UBR3: variants seen among roughly 807,000 people sequenced by gnomAD.
UBR3 encodes E3 ubiquitin-protein ligase UBR3.
A neutral mutation model predicts 243.2 loss-of-function variants in UBR3; 85 were observed. That is an observed-to-expected ratio of 0.35 (90% CI 0.29 to 0.42). UBR3 has a LOEUF of 0.42. UBR3 is among the 10% of genes least tolerant of loss of function. UBR3 has a pLI of 1.00. For synonymous variants in UBR3, 748 were observed against 799.8 expected (o/e 0.94, Z 1.09); for missense variants, 1,686 against 2,300.8 (o/e 0.73, Z 5.47).
chr2:170,056,660 G>A (rs950321472), intron 33 of UBR3, among the ~76,000 whole-genome samples: 4 of 152,046 alleles, frequency 2.6e-5, no homozygotes, highest in African/African-American at 9.7e-5. Context: ...AACTTTTTTT[G>A]TTGAAATTAT....
chr2:170,055,195 C>T (rs780031295), intron 32 of UBR3, among the ~76,000 whole-genome samples: 4 of 151,988 alleles, frequency 2.6e-5, no homozygotes, highest in Admixed American at 1.3e-4. Flanking sequence ...TACTGTTGGG[C>T]GGGGCAGATT....
At chr2:169,960,372 TCTGAAATCTGAAAAAAA>T (rs572719330) in intron 24 of UBR3, among the ~76,000 whole-genome samples, 10 of 151,672 alleles carry the variant, frequency 6.6e-5, no homozygotes, top group South Asian at 2.1e-4. Context: ...ATGTAAATAT[TCTGAAATCTGAAAAAAA>T]CTGAAATCTG....
At chr2:169,999,075 C>G (rs2089599794) in intron 26 of UBR3, among the ~76,000 whole-genome samples, 3 of 152,158 alleles carry the variant, frequency 2.0e-5, no homozygotes, top group Admixed American at 2.0e-4. Flanking sequence ...ACTCAAATGT[C>G]TAAAAGTTGT....
chr2:169,938,030 T>G (rs1411597452), intron 19 of UBR3, among the ~76,000 whole-genome samples: 1 of 152,082 alleles, frequency 6.6e-6, no homozygotes, highest in East Asian at 1.9e-4. Flanking sequence ...TACTTGCTAT[T>G]TGATCCTCCC....
intron 25 of UBR3, among the ~76,000 whole-genome samples, chr2:169,993,786 T>C (rs2089381946): frequency 6.6e-6 from 1 of 152,214 alleles, no homozygotes; most frequent in African/African-American, 2.4e-5. Flanking sequence ...GAACGTATTG[T>C]ATTATCTATT....
At chr2:169,840,493 G>T (rs2082256247) in intron 1 of UBR3, among the ~76,000 whole-genome samples, 1 of 152,180 alleles carries the variant, frequency 6.6e-6, no homozygotes, top group East Asian at 1.9e-4. Flanking sequence ...TTGGAATCAG[G>T]TACCCGTGGT....
chr2:169,884,693 G>A (rs1415989883), intron 5 of UBR3, among the ~76,000 whole-genome samples: 3 of 152,104 alleles, frequency 2.0e-5, no homozygotes, highest in Non-Finnish European at 4.4e-5. Context: ...TAAAAATTCT[G>A]TTGGTGGCTA....
chr2:169,835,515 A>G (rs2082055398), intron 1 of UBR3, among the ~76,000 whole-genome samples: 4 of 152,190 alleles, frequency 2.6e-5, no homozygotes, highest in Non-Finnish European at 1.5e-5. Flanking sequence ...ATCTCGGCTC[A>G]CTGCAACCTC....
intron 19 of UBR3, among the ~76,000 whole-genome samples, chr2:169,938,220 A>G (rs904575399): frequency 1.3e-5 from 2 of 150,292 alleles, no homozygotes; most frequent in African/African-American, 4.9e-5. Context: ...ACCTCTTCAT[A>G]TATTCTGAAT....
In UBR3 at chr2:170,001,380, T is replaced by C. The variant is rs576024718; in HGVS notation, c.3995T>C (p.Ile1332Thr). ...YVQTCGHTLH[I>T]DCHKSYMESL... ...CAAACCTGTGGTCACACATTACATA[T>C]AGATTGTCATAAATCTTACATGGAA... is the stretch of plus-strand genomic sequence containing the variant. The change falls in exon 27 of 39, where the codon ATA (isoleucine) becomes ACA (threonine). Residue 1332 changes from isoleucine to threonine, a missense_variant. Physicochemically the swap from Ile to Thr is moderately conservative, Grantham distance 89. Coordinates refer to ENST00000272793, the MANE Select transcript of UBR3 (RefSeq NM_172070.4). 1.2e-6 allele frequency: 2 copies of C among 1,613,706 alleles called. No homozygotes were observed. Among genetic ancestry groups the C allele is most frequent in the East Asian group, 2.2e-5 (1 of 44,832 alleles).
chr2:170,031,205 G>A (rs777529139), intron 31 of UBR3, among the ~76,000 whole-genome samples: 3 of 152,096 alleles, frequency 2.0e-5, no homozygotes, highest in South Asian at 2.1e-4. Context: ...AGCCTCTCCC[G>A]TGTTGCTAGG....
intron 1 of UBR3, among the ~76,000 whole-genome samples, chr2:169,871,567 G>A (rs906700088): frequency 1.3e-5 from 2 of 151,796 alleles, no homozygotes; most frequent in Non-Finnish European, 1.5e-5. Context: ...AACCAACATG[G>A]TGAAACCTCG....
chr2:170,061,538 G>C, intron 35 of UBR3, 95 bp downstream of exon 35: 1 of 1,476,010 alleles, frequency 6.8e-7, no homozygotes, highest in Non-Finnish European at 9.2e-7. Context: ...CACAATCTCG[G>C]CTTACTGCAA....
At chr2:169,968,665 C>G (rs2087938996) in intron 24 of UBR3, among the ~76,000 whole-genome samples, 1 of 152,156 alleles carries the variant, frequency 6.6e-6, no homozygotes, top group Admixed American at 6.5e-5. Context: ...ACGCAGCTGG[C>G]TCTTCAATAT....
chr2:170,009,942 A>G (rs2090035514), intron 29 of UBR3, among the ~76,000 whole-genome samples: 1 of 152,152 alleles, frequency 6.6e-6, no homozygotes, highest in Admixed American at 6.5e-5. Flanking sequence ...TAAATGAACT[A>G]TACATAGCCT....
rs372311594 is a variant in UBR3, at chr2:170,015,268, G to A, written c.4368-13G>A. 2.4e-5 allele frequency: 38 copies of A among 1,604,070 alleles called. No individual in the cohort carries two copies. The highest frequency in any genetic ancestry group is 3.2e-5 in the Non-Finnish European group (38 of 1,173,650). On this transcript the variant is annotated splice_polypyrimidine_tract_variant and intron_variant, in intron 29 of 38. Coordinates refer to ENST00000272793, the MANE Select transcript of UBR3 (RefSeq NM_172070.4). ...TTCAGTTTAATGACTGAGATATAAT[G>A]TTTTACTTACAGAACCAATTTAGAA...
chr2:169,913,780 C>T (rs2085348860), intron 10 of UBR3, among the ~76,000 whole-genome samples: 1 of 152,096 alleles, frequency 6.6e-6, no homozygotes, highest in South Asian at 2.1e-4. Flanking sequence ...GGGGGTGTCT[C>T]TTGAAATGGA....
At chr2:169,965,215 A>T (rs2087751778) in intron 24 of UBR3, among the ~76,000 whole-genome samples, 1 of 152,188 alleles carries the variant, frequency 6.6e-6, no homozygotes, top group African/African-American at 2.4e-5. Flanking sequence ...TAGTATTATT[A>T]ACACACGAAG....
chr2:169,859,730 TTTTGAGA>T (rs1182726594), intron 1 of UBR3, among the ~76,000 whole-genome samples: 2 of 137,000 alleles, frequency 1.5e-5, no homozygotes. Context: ...ATTTATTTAT[TTTTGAGA>T]TGGAGTTTCA....
Sources: gnomAD v4.1 joint callset for allele counts (sites outside exome capture counted in the v4.1 genomes callset) on GRCh38, gnomAD v4.1.1 for gene constraint, MANE v1.5 for transcripts, NCBI Gene and HGNC (gene_info 2026-07-23, HGNC 2026-07-21) for gene names.